ALDH3B1: variants seen among roughly 807,000 people sequenced by gnomAD.
ALDH3B1 encodes aldehyde dehydrogenase 3 family member B1.
ALDH3B1 carries 37 observed loss-of-function variants against 46.2 expected under a neutral mutation model. The ratio of observed to expected loss-of-function variants is 0.80; its 90% CI spans 0.62 to 1.05. The LOEUF is 1.05. ALDH3B1 is among the 50% of genes least tolerant of loss of function. The pLI is 0.00. For synonymous variants in ALDH3B1, 283 were observed against 281.0 expected, an observed-to-expected ratio of 1.01 and a Z score of -0.07; for missense variants, 603 against 665.5, an observed-to-expected ratio of 0.91 and a Z score of 1.03.
chr11:68,018,440 T>C lies in ALDH3B1; in HGVS notation c.163-87T>C, dbSNP rs556601. ...TGAATGAAAATGAATGAATGAGTTG[T>C]GGAAGCAGGCCCTGCCTGGAGGAGG... On this transcript the variant is annotated intron_variant, in intron 2 of 9. Coordinates refer to ENST00000342456, the MANE Select transcript of ALDH3B1 (RefSeq NM_000694.4). 6,170 of 982,740 alleles carry C rather than the reference T, an allele frequency of 6.3e-3. 241 individuals are homozygous for C. In the African/African-American group the frequency reaches 0.084, roughly 13 times the overall value. The allele number at this position is 982,740 out of a possible 1,614,324, so 60.9% of individuals were successfully genotyped here.
At chr11:68,019,284 G>A (rs371181037) in intron 5 of ALDH3B1, 29 bp downstream of exon 5, 37 of 1,599,456 alleles carry the variant, frequency 2.3e-5, no homozygotes, top group Admixed American at 5.2e-5. Context: ...CAGGTAGAGC[G>A]GGAACAGGCA....
chr11:68,027,058 C>T (rs1056654959), intron 9 of ALDH3B1, among the ~76,000 whole-genome samples: 23 of 152,212 alleles, frequency 1.5e-4, no homozygotes, highest in Non-Finnish European at 2.8e-4. Flanking sequence ...GCTGACCCTT[C>T]TTGGTGGCCG....
At position 68,015,453 on chromosome 11, in the gene ALDH3B1, G is replaced by A. The variant is rs1426819193; in HGVS notation, c.156G>A (p.Leu52=). The change falls in exon 2 of 10, where the codon CTG becomes CTA. Residue 52 remains leucine, a synonymous_variant. Coordinates refer to ENST00000342456, the MANE Select transcript of ALDH3B1 (RefSeq NM_000694.4). ...TGCACGACGCACTGGCCCAGGACCT[G>A]CACAAGGTGGGCTGGGGTTGGGGGT... ...QLLHDALAQD[L]HKSAFESEVS... The A allele has an allele frequency of 3.2e-6, 5 of 1,567,048 alleles. No homozygotes were observed. The highest frequency in any genetic ancestry group is 1.9e-5 in the Admixed American group (1 of 52,980).
At position 68,021,495 on chromosome 11, in the gene ALDH3B1, T is replaced by A. The variant is rs770935517; in HGVS notation, c.573T>A (p.Arg191=). Residue 191 remains arginine, a synonymous_variant, in exon 7 of 10, where the codon CGT becomes CGA. Coordinates refer to ENST00000342456, the MANE Select transcript of ALDH3B1 (RefSeq NM_000694.4). ...FDYIFFTGSP[R]VGKIVMTAAA... ...TCCTTCCATGCCCAGGGAGCCCTCGTGTGGGCAAGATTGTTATGACTGCTG... is the reference window on the plus strand; with the variant it reads ...TCCTTCCATGCCCAGGGAGCCCTCGAGTGGGCAAGATTGTTATGACTGCTG... 6.2e-7 allele frequency: 1 copy of A among 1,610,924 alleles called. No homozygotes were observed. Among genetic ancestry groups the A allele is most frequent in the Non-Finnish European group, 8.5e-7 (1 of 1,177,954 alleles).
At position 68,018,811 on chromosome 11, in the gene ALDH3B1, C is replaced by T; in HGVS notation, c.312C>T (p.Pro104=). ...ACTCCGCCTTCATCCGGAAGGAGCC[C>T]TTTGGCCTGGTCCTCATCATTGCGC... is the stretch of plus-strand genomic sequence containing the variant. The part of the protein sequence containing the change: ...QLDSAFIRKE[P]FGLVLIIAPW... The change falls in exon 4 of 10, where the codon CCC becomes CCT. Residue 104 remains proline, a synonymous_variant. Transcript: ENST00000342456. 1 of 1,562,694 alleles carries T rather than the reference C, an allele frequency of 6.4e-7. No individual in the cohort carries two copies. The highest frequency in any genetic ancestry group is 8.7e-7 in the Non-Finnish European group (1 of 1,153,806).
intron 2 of ALDH3B1, 153 bp downstream of exon 2, chr11:68,015,612 C>T: frequency 1.0e-6 from 1 of 961,644 alleles, no homozygotes. Flanking sequence ...GCACATTCAT[C>T]CAGTCACTTA....
intron 2 of ALDH3B1, chr11:68,016,104 G>A (rs1029099058): frequency 6.1e-6 from 1 of 162,818 alleles, no homozygotes; most frequent in Non-Finnish European, 1.3e-5. Context: ...CAGCATATTG[G>A]GTTGAAATAT....
chr11:68,015,335 A>C lies in ALDH3B1; in HGVS notation c.38A>C (p.Glu13Ala). The change falls in exon 2 of 10, where the codon GAG (glutamate) becomes GCG (alanine). Residue 13 changes from glutamate (E) to alanine (A), a missense_variant. Transcript: ENST00000342456. ...PLGDTLRRLR[E>A]AFHAGRTRPA... ...GGGGACACGCTGCGGCGACTGCGGG[A>C]GGCCTTCCACGCGGGGCGCACGCGG... The C allele has an allele frequency of 3.9e-6, 6 of 1,528,818 alleles. No individual in the cohort carries two copies. The highest frequency in any genetic ancestry group is 5.3e-6 in the Non-Finnish European group (6 of 1,133,378). 94.7% of individuals were successfully genotyped at this position (1,528,818 alleles called of 1,614,324 possible).
upstream of ALDH3B1, among the ~76,000 whole-genome samples, chr11:68,009,379 A>T (rs926562339): frequency 1.3e-5 from 2 of 152,206 alleles, no homozygotes; most frequent in African/African-American, 4.8e-5. Flanking sequence ...AGAAGGGGAA[A>T]CTGAGTCTTG....
In ALDH3B1 at chr11:68,021,886, C is replaced by G; in HGVS notation, c.949+15C>G. 1 of 1,576,292 alleles carries G rather than the reference C, an allele frequency of 6.3e-7. No individual in the cohort carries two copies. Among genetic ancestry groups the G allele is most frequent in the Non-Finnish European group, 8.6e-7 (1 of 1,159,368 alleles). On this transcript the variant is annotated intron_variant, in intron 7 of 9. Transcript: ENST00000342456. ...TCGCTACATCGGTGAGTCCTGCTGC[C>G]CCTACCACAGCCCACCTGGGCCAAG...
intron 1 of ALDH3B1, among the ~76,000 whole-genome samples, chr11:68,011,398 G>A (rs1269621006): frequency 6.6e-6 from 1 of 152,168 alleles, no homozygotes; most frequent in Non-Finnish European, 1.5e-5. Context: ...CCTGCTTCCC[G>A]GAGAAACTGG....
At chr11:68,017,093 G>C (rs977247781) in intron 2 of ALDH3B1, 1 of 152,384 alleles carries the variant, frequency 6.6e-6, no homozygotes, top group Non-Finnish European at 1.5e-5. Flanking sequence ...AAGAGGCTCA[G>C]AGAGAGTGTG....
intron 9 of ALDH3B1, among the ~76,000 whole-genome samples, chr11:68,026,686 A>AT: frequency 6.6e-6 from 1 of 152,212 alleles, no homozygotes. Context: ...CCCAGGTGAC[A>AT]TCTCCCCTTT....
At chr11:68,019,842 A>G (rs1276316146) in intron 6 of ALDH3B1, 46 bp downstream of exon 6, 2 of 1,583,982 alleles carry the variant, frequency 1.3e-6, no homozygotes, top group East Asian at 4.5e-5. Flanking sequence ...CGGGGAGGAC[A>G]GCTGCTCAGG....
intron 1 of ALDH3B1, among the ~76,000 whole-genome samples, chr11:68,013,267 G>A (rs909362953): frequency 6.6e-6 from 1 of 152,196 alleles, no homozygotes; most frequent in African/African-American, 2.4e-5. Context: ...TGGGAGAGAT[G>A]TGTCCTGTGG....
intron 6 of ALDH3B1, among the ~76,000 whole-genome samples, chr11:68,021,077 G>A (rs1857480837): frequency 6.6e-6 from 1 of 152,238 alleles, no homozygotes; most frequent in African/African-American, 2.4e-5. Flanking sequence ...GAATGCCGTA[G>A]ACAGAGCTGG....
In ALDH3B1 at chr11:68,028,330, C is replaced by T. The variant is rs1854636063; in HGVS notation, c.*391C>T. 5.3e-6 allele frequency: 2 copies of T among 378,150 alleles called. No homozygotes were observed. Among genetic ancestry groups the T allele is most frequent in the South Asian group, 4.1e-5 (2 of 48,510 alleles). 23.4% of individuals were successfully genotyped at this position (378,150 alleles called of 1,614,324 possible). ...GGAATCACTGCATCCAAGGCCATTC[C>T]TGCCCTCTCTGAGTCTCAGTTTTTC... On this transcript the variant is annotated 3_prime_UTR_variant, in exon 10 of 10. Coordinates refer to ENST00000342456, the MANE Select transcript of ALDH3B1 (RefSeq NM_000694.4).
intron 2 of ALDH3B1, 44 bp from the exon 3 acceptor site, chr11:68,018,483 C>A (rs2134388238): frequency 6.7e-7 from 1 of 1,484,926 alleles, no homozygotes; most frequent in South Asian, 1.2e-5. Context: ...CTCCTGCCAA[C>A]TCTGGGAATC....
At chr11:68,019,048 G>T in intron 4 of ALDH3B1, 122 bp from the exon 5 acceptor site, 1 of 1,453,800 alleles carries the variant, frequency 6.9e-7, no homozygotes, top group Non-Finnish European at 9.3e-7. Flanking sequence ...GGCCCGTCAT[G>T]TTACCTCTCT....
Sources: gnomAD v4.1 joint callset for allele counts (sites outside exome capture counted in the v4.1 genomes callset) on GRCh38, gnomAD v4.1.1 for gene constraint, MANE v1.5 for transcripts, NCBI Gene and HGNC (gene_info 2026-07-23, HGNC 2026-07-21) for gene names.